FRMPD4: variants seen among roughly 807,000 people sequenced by gnomAD.
FRMPD4 encodes the protein FERM and PDZ domain containing 4, also known as FERM and PDZ domain-containing protein 4.
Under a neutral mutation model 94.1 loss-of-function variants are expected in FRMPD4, and 22 were observed. The ratio of observed to expected loss-of-function variants is 0.23; its 90% CI spans 0.17 to 0.33. The LOEUF is 0.33. Ranked by LOEUF, FRMPD4 falls within the 10% of genes least tolerant of loss-of-function variation. FRMPD4 has a pLI of 1.00. For synonymous variants in FRMPD4, 631 were observed against 548.6 expected (o/e 1.15, Z -2.10); for missense variants, 1,111 against 1,339.9 (o/e 0.83, Z 2.67).
At chrX:12,100,911 T>C (rs1208208601) in intron 3 of FRMPD4, among the ~76,000 whole-genome samples, 1 of 112,513 alleles carries the variant, frequency 8.9e-6, no homozygotes, top group East Asian at 2.8e-4. Context: ...CACAAAACTC[T>C]GTGGTCCCTA....
intron 1 of FRMPD4, among the ~76,000 whole-genome samples, chrX:12,246,337 T>G (rs2053958211): frequency 1.8e-5 from 2 of 112,064 alleles, no homozygotes. Flanking sequence ...TTTTCCACCA[T>G]ATTCTGATAT....
At chrX:12,589,182 AT>A (rs1488254342) in intron 2 of FRMPD4, among the ~76,000 whole-genome samples, 2 of 112,155 alleles carry the variant, frequency 1.8e-5, no homozygotes, top group Non-Finnish European at 3.8e-5. Context: ...TTTGAAAACA[AT>A]TTTATTCAAT....
chrX:12,391,633 G>A (rs961921137), intron 1 of FRMPD4, among the ~76,000 whole-genome samples: 3 of 111,094 alleles, frequency 2.7e-5, no homozygotes, highest in African/African-American at 9.8e-5. Flanking sequence ...GAGCTCACTG[G>A]GAAGCCACGT....
intron 1 of FRMPD4, among the ~76,000 whole-genome samples, chrX:12,319,083 G>A (rs768039169): frequency 1.8e-5 from 2 of 111,382 alleles, no homozygotes; most frequent in African/African-American, 6.5e-5. Flanking sequence ...AGCCTACACT[G>A]TGTCCCTTGT....
chrX:12,474,215 G>A (rs1242662433), intron 1 of FRMPD4, among the ~76,000 whole-genome samples: 2 of 110,055 alleles, frequency 1.8e-5, no homozygotes, highest in Non-Finnish European at 3.8e-5. Context: ...TGACTACTGG[G>A]TACATAACAA....
intron 1 of FRMPD4, among the ~76,000 whole-genome samples, chrX:12,261,694 A>T (rs2054191382): frequency 8.9e-6 from 1 of 112,157 alleles, no homozygotes; most frequent in Non-Finnish European, 1.9e-5. Flanking sequence ...AAATATAATA[A>T]CTGAAAGTAA....
intron 5 of FRMPD4, among the ~76,000 whole-genome samples, chrX:12,681,694 G>C (rs1045323694): frequency 1.1e-5 from 1 of 88,600 alleles, no homozygotes; most frequent in South Asian, 5.2e-4. Flanking sequence ...CTCCATCCAG[G>C]ATACACACAC....
intron 1 of FRMPD4, among the ~76,000 whole-genome samples, chrX:12,372,513 C>T (rs2056177042): frequency 1.8e-5 from 2 of 112,895 alleles, no homozygotes; most frequent in South Asian, 7.3e-4. Context: ...GATGCTGGCT[C>T]CTCCCAGGAC....
chrX:11,841,672 G>C (rs189602978), intron 1 of FRMPD4, among the ~76,000 whole-genome samples: 1 of 109,378 alleles, frequency 9.1e-6, no homozygotes, highest in African/African-American at 3.4e-5. Flanking sequence ...AGTAGGTTGC[G>C]AAAATTTTCT....
At chrX:12,718,837 T>C in intron 16 of FRMPD4, 47 bp downstream of exon 16, 1 of 801,667 alleles carries the variant, frequency 1.2e-6, no homozygotes, top group Non-Finnish European at 1.8e-6. Context: ...GCCAAGAGCA[T>C]GTAAACCATA....
At chrX:12,476,898 A>T (rs1406844140) in intron 1 of FRMPD4, among the ~76,000 whole-genome samples, 9 of 111,852 alleles carry the variant, frequency 8.0e-5, no homozygotes, top group African/African-American at 2.9e-4. Flanking sequence ...ATTGTGGAAG[A>T]CAGTGTGGCG....
At chrX:12,342,073 T>A (rs2055623674) in intron 1 of FRMPD4, among the ~76,000 whole-genome samples, 1 of 112,321 alleles carries the variant, frequency 8.9e-6, no homozygotes, top group Non-Finnish European at 1.9e-5. Context: ...ATATATTTGC[T>A]ATGCTCTAAC....
At chrX:12,455,912 A>C (rs1489260324) in intron 1 of FRMPD4, among the ~76,000 whole-genome samples, 1 of 111,852 alleles carries the variant, frequency 8.9e-6, no homozygotes, top group Non-Finnish European at 1.9e-5. Flanking sequence ...CTCCTGCCTC[A>C]GCCTCCCGAG....
At chrX:12,203,240 G>C (rs928626072) in intron 1 of FRMPD4, among the ~76,000 whole-genome samples, 2 of 111,642 alleles carry the variant, frequency 1.8e-5, no homozygotes, top group Non-Finnish European at 3.8e-5. Context: ...ATCGAATATA[G>C]GGAATTACCT....
chrX:12,412,977 TAAAA>T (rs201136609), intron 1 of FRMPD4, among the ~76,000 whole-genome samples: 2 of 102,777 alleles, frequency 1.9e-5, no homozygotes, highest in Admixed American at 2.1e-4. Flanking sequence ...ATAGTCATAG[TAAAA>T]AAAAAAAACA....
chrX:12,230,112 T>A (rs2056967697), intron 1 of FRMPD4, among the ~76,000 whole-genome samples: 1 of 111,311 alleles, frequency 9.0e-6, no homozygotes, highest in African/African-American at 3.3e-5. Flanking sequence ...ACCCACAGAC[T>A]GTCCCTGGCC....
chrX:11,957,587 T>G (rs2054263713), intron 3 of FRMPD4, among the ~76,000 whole-genome samples: 1 of 106,651 alleles, frequency 9.4e-6, no homozygotes, highest in African/African-American at 3.4e-5. Context: ...TTATATGGAG[T>G]AAAACATATT....
chrX:11,994,008 T>C (rs1172652853), intron 3 of FRMPD4, among the ~76,000 whole-genome samples: 1 of 111,376 alleles, frequency 9.0e-6, no homozygotes, highest in Non-Finnish European at 1.9e-5. Context: ...AAATTTAAGG[T>C]TACTGGTGTT....
chrX:12,609,980 C>T, intron 3 of FRMPD4, 99 bp downstream of exon 3: 1 of 826,422 alleles, frequency 1.2e-6, no homozygotes, highest in Admixed American at 2.9e-5. Flanking sequence ...GCTGTGAAAG[C>T]TGGATATGTT....
Sources: allele counts gnomAD v4.1 joint callset (sites outside exome capture counted in the v4.1 genomes callset), GRCh38; gene constraint gnomAD v4.1.1; transcripts MANE v1.5; gene names NCBI Gene and HGNC (gene_info 2026-07-23, HGNC 2026-07-21).